MRPL32: variants seen among roughly 807,000 people sequenced by gnomAD.
The protein encoded by MRPL32 is mitochondrial ribosomal protein L32.
In MRPL32, 14 loss-of-function variants were observed where a neutral mutation model predicts 21.7. The observed-to-expected ratio is 0.64, with a 90% CI of 0.43 to 1.01. The LOEUF is 1.01. MRPL32 is among the 50% of genes least tolerant of loss of function. The pLI is 0.00. For synonymous variants in MRPL32, 83 were observed against 87.7 expected (o/e 0.95, Z 0.30); for missense variants, 211 against 235.9 (o/e 0.89, Z 0.69).
intron 2 of MRPL32, chr7:42,936,174 A>C (rs1289071977): frequency 6.6e-6 from 1 of 152,206 alleles, no homozygotes; most frequent in Admixed American, 6.5e-5. Context: ...GTAATTCATA[A>C]ATTTGCTCAA....
Position 42,935,007 on chromosome 7 carries a change from T to C in MRPL32, c.183T>C (p.Asp61=). Residue 61 remains aspartate, a synonymous_variant, in exon 2 of 3, where the codon GAT becomes GAC. Transcript: ENST00000223324. ...GPAMFTEPAN[D]TSGSKENSSL... ...CCATGTTTACAGAGCCAGCAAATGA[T>C]ACCAGTGGAAGTAAAGAGAATTCCA... The C allele has an allele frequency of 6.2e-7, 1 of 1,614,022 alleles. No individual in the cohort carries two copies. Among genetic ancestry groups the C allele is most frequent in the Non-Finnish European group, 8.5e-7 (1 of 1,179,968 alleles).
intron 1 of MRPL32, among the ~76,000 whole-genome samples, chr7:42,933,355 G>C (rs371474239): frequency 6.6e-6 from 1 of 152,116 alleles, no homozygotes; most frequent in African/African-American, 2.4e-5. Context: ...GATTTGTACA[G>C]AGTTGTCCTG....
chr7:42,932,539 G>A (rs762790100), intron 1 of MRPL32, 23 bp downstream of exon 1: 1 of 1,580,320 alleles, frequency 6.3e-7, no homozygotes, highest in Non-Finnish European at 8.6e-7. Context: ...GGGCTCCGTG[G>A]GAGAGGGGGC....
At chr7:42,937,210 ATGTAGCCTGAACAT>A in intron 2 of MRPL32, 98 bp from the exon 3 acceptor site, 1 of 1,595,532 alleles carries the variant, frequency 6.3e-7, no homozygotes, top group Non-Finnish European at 8.5e-7. Context: ...TGATGACCTC[ATGTAGCCTGAACAT>A]CCTAAGAAAG....
chr7:42,936,312 C>G (rs1450278330), intron 2 of MRPL32: 1 of 152,156 alleles, frequency 6.6e-6, no homozygotes, highest in Non-Finnish European at 1.5e-5. Flanking sequence ...TTTTCTGTTA[C>G]ATACGGTATA....
At chr7:42,933,765 C>G (rs1054099568) in intron 1 of MRPL32, among the ~76,000 whole-genome samples, 2 of 152,102 alleles carry the variant, frequency 1.3e-5, no homozygotes, top group Non-Finnish European at 2.9e-5. Flanking sequence ...CATGTACTTC[C>G]TGGGATAATC....
chr7:42,937,485 T>A lies in MRPL32; in HGVS notation c.476T>A (p.Leu159Gln). 1 of 1,614,002 alleles carries A rather than the reference T, an allele frequency of 6.2e-7. No individual in the cohort carries two copies. The highest frequency in any genetic ancestry group is 8.5e-7 in the Non-Finnish European group (1 of 1,179,974). Residue 159 changes from leucine (L) to glutamine (Q), a missense_variant, in exon 3 of 3, where the codon CTG becomes CAG. Physicochemically the swap from Leu to Gln is moderately radical, Grantham distance 113. Transcript: ENST00000223324. ...GCTCCCACCATAGAGACTGTGGTGC[T>A]GTACACGGGAGAGACACCGTCTGAA... Reference protein sequence around the residue: ...FKAPTIETVVLYTGETPSEQD... With the variant: ...FKAPTIETVVQYTGETPSEQD...
Position 42,937,422 on chromosome 7 carries a change from G to A in MRPL32, c.413G>A (p.Arg138Lys), listed in dbSNP as rs763210648. The A allele has an allele frequency of 6.2e-7, 1 of 1,614,166 alleles. No individual in the cohort carries two copies. Among genetic ancestry groups the A allele is most frequent in the Non-Finnish European group, 8.5e-7 (1 of 1,180,022 alleles). Residue 138 changes from arginine (R) to lysine (K), a missense_variant, in exon 3 of 3, where the codon AGA becomes AAA. This residue lies in a region of MRPL32 where 130 missense variants were observed against 180.1 expected (regional missense o/e 0.72). Transcript: ENST00000223324. ...EKVCKETAEI[R>K]RQIGKQEGGP... is the part of the protein sequence containing the mutation. ...GTGTGCAAGGAGACTGCAGAAATCAGACGACAGATAGGGAAGCAAGAAGGG... is the reference window on the plus strand; with the variant it reads ...GTGTGCAAGGAGACTGCAGAAATCAAACGACAGATAGGGAAGCAAGAAGGG...
At chr7:42,934,665 G>A (rs144103167) in intron 1 of MRPL32, among the ~76,000 whole-genome samples, 2 of 152,268 alleles carry the variant, frequency 1.3e-5, no homozygotes, top group East Asian at 1.9e-4. Context: ...TTCAAGTTAG[G>A]TGCCTATCAG....
At position 42,935,078 on chromosome 7, in the gene MRPL32, G is replaced by A. The variant is rs531271105; in HGVS notation, c.254G>A (p.Arg85His). Reference sequence around the variant, plus strand: ...TGGATGGCAGCTCCCAAAAATAGACGCACCATTGAAGTTAACCGGTGTAGG... The same window carrying A: ...TGGATGGCAGCTCCCAAAAATAGACACACCATTGAAGTTAACCGGTGTAGG... ...IFWMAAPKNRRTIEVNRCRRR... is the reference protein window; with the variant it reads ...IFWMAAPKNRHTIEVNRCRRR... Residue 85 changes from arginine to histidine, a missense_variant, in exon 2 of 3, where the codon CGC becomes CAC. Physicochemically the swap from Arg to His is conservative, Grantham distance 29 (BLOSUM62 0). Around this residue, in one of 2 missense-constraint regions of MRPL32, gnomAD observed 130 missense variants for 180.1 expected, o/e 0.72. Transcript: ENST00000223324. The A allele has an allele frequency of 1.8e-5, 29 of 1,613,918 alleles. No individual in the cohort carries two copies. The highest frequency in any genetic ancestry group is 1.6e-4 in the Middle Eastern group (1 of 6,084).
In MRPL32 at chr7:42,937,448, G is replaced by T. The variant is rs756043183; in HGVS notation, c.439G>T (p.Gly147Cys). ...IRRQIGKQEG[G>C]PFKAPTIETV... ...ACGACAGATAGGGAAGCAAGAAGGGGGCCCTTTTAAGGCTCCCACCATAGA... is the reference window on the plus strand; with the variant it reads ...ACGACAGATAGGGAAGCAAGAAGGGTGCCCTTTTAAGGCTCCCACCATAGA... Residue 147 changes from glycine to cysteine, a missense_variant, in exon 3 of 3, where the codon GGC (glycine) becomes TGC (cysteine). This residue lies in a region of MRPL32 where 130 missense variants were observed against 180.1 expected (regional missense o/e 0.72). Coordinates refer to ENST00000223324, the MANE Select transcript of MRPL32 (RefSeq NM_031903.3). 4 of 1,614,028 alleles carry T rather than the reference G, an allele frequency of 2.5e-6. No homozygotes were observed. Among genetic ancestry groups the T allele is most frequent in the Non-Finnish European group, 3.4e-6 (4 of 1,180,018 alleles).
chr7:42,935,245 T>A, intron 2 of MRPL32, 109 bp downstream of exon 2: 1 of 903,132 alleles, frequency 1.1e-6, no homozygotes, highest in Non-Finnish European at 1.7e-6. Flanking sequence ...TATATGTGTC[T>A]ACTTTCCTCT....
Position 42,932,410 on chromosome 7 carries a change from G to A in MRPL32, c.24G>A (p.Leu8=). Residue 8 remains leucine, a synonymous_variant, in exon 1 of 3, where the codon TTG becomes TTA. Transcript: ENST00000223324. ...AAATGGCGCTGGCCATGCTGGTCTT[G>A]GTGGTTTCGCCGTGGTCTGCGGCCC... The part of the protein sequence containing the change: MALAMLV[L]VVSPWSAARG... The A allele has an allele frequency of 6.2e-7, 1 of 1,611,778 alleles. No homozygotes were observed. Among genetic ancestry groups the A allele is most frequent in the Non-Finnish European group, 8.5e-7 (1 of 1,178,584 alleles).
intron 1 of MRPL32, among the ~76,000 whole-genome samples, chr7:42,933,656 A>G (rs923240030): frequency 2.0e-5 from 3 of 152,158 alleles, no homozygotes. Flanking sequence ...TGGCATTTAC[A>G]TTCTACTCAA....
chr7:42,932,390 G>A lies in MRPL32; in HGVS notation c.4G>A (p.Ala2Thr). 6.2e-7 allele frequency: 1 copy of A among 1,608,578 alleles called. No individual in the cohort carries two copies. The highest frequency in any genetic ancestry group is 8.5e-7 in the Non-Finnish European group (1 of 1,176,436). The change falls in exon 1 of 3, where the codon GCG becomes ACG. Residue 2 changes from alanine (A) to threonine (T), a missense_variant. This residue lies in a region of MRPL32 where 81 missense variants were observed against 55.8 expected (regional missense o/e 1.45). Coordinates refer to ENST00000223324, the MANE Select transcript of MRPL32 (RefSeq NM_031903.3). M[A>T]LAMLVLVVSP... ...GGGCGGTCTTCCAGCAGGGAAAATGGCGCTGGCCATGCTGGTCTTGGTGGT... is the reference window on the plus strand; with the variant it reads ...GGGCGGTCTTCCAGCAGGGAAAATGACGCTGGCCATGCTGGTCTTGGTGGT...
In MRPL32 at chr7:42,937,449, G is replaced by T; in HGVS notation, c.440G>T (p.Gly147Val). ...IRRQIGKQEG[G>V]PFKAPTIETV... ...CGACAGATAGGGAAGCAAGAAGGGG[G>T]CCCTTTTAAGGCTCCCACCATAGAG... The change falls in exon 3 of 3, where the codon GGC becomes GTC. Residue 147 changes from glycine to valine, a missense_variant. Gly to Val is a moderately radical substitution (Grantham distance 109). Coordinates refer to ENST00000223324, the MANE Select transcript of MRPL32 (RefSeq NM_031903.3). 6.2e-7 allele frequency: 1 copy of T among 1,614,048 alleles called. No individual in the cohort carries two copies. Among genetic ancestry groups the T allele is most frequent in the Non-Finnish European group, 8.5e-7 (1 of 1,180,012 alleles).
rs749795777 is a variant in MRPL32 at position 42,932,382 on chromosome 7, G to A, written c.-5G>A. ...CGGGACCGGGGCGGTCTTCCAGCAG[G>A]GAAAATGGCGCTGGCCATGCTGGTC... On this transcript the variant is annotated 5_prime_UTR_variant, in exon 1 of 3. Transcript: ENST00000223324. 6.2e-7 allele frequency: 1 copy of A among 1,606,940 alleles called. No individual in the cohort carries two copies. The highest frequency in any genetic ancestry group is 1.1e-5 in the South Asian group (1 of 90,930).
chr7:42,934,417 T>C (rs1211929824), intron 1 of MRPL32, among the ~76,000 whole-genome samples: 3 of 152,264 alleles, frequency 2.0e-5, no homozygotes, highest in Middle Eastern at 3.4e-3. Flanking sequence ...CTCTTTTCTT[T>C]AGAGAGCAGA....
chr7:42,937,675 T>C lies in MRPL32; in HGVS notation c.*99T>C. On this transcript the variant is annotated 3_prime_UTR_variant, in exon 3 of 3. Coordinates refer to ENST00000223324, the MANE Select transcript of MRPL32 (RefSeq NM_031903.3). ...TGTGCTTGTTTTTAAATCATCAGTA[T>C]AGTTTAACACATTCTTTCTAAGCAG... 2 of 1,243,066 alleles carry C rather than the reference T, an allele frequency of 1.6e-6. No individual in the cohort carries two copies. Among genetic ancestry groups the C allele is most frequent in the Middle Eastern group, 2.9e-4 (1 of 3,486 alleles). The allele number at this position is 1,243,066 out of a possible 1,614,324, so 77.0% of individuals were successfully genotyped here. A position where few individuals can be genotyped will look rare whatever the true frequency, so the allele number is the denominator to read the frequency against.
Sources: gnomAD v4.1 joint callset for allele counts (sites outside exome capture counted in the v4.1 genomes callset) on GRCh38, gnomAD v4.1.1 for gene constraint, gnomAD v4.1.1 regional missense constraint, MANE v1.5 for transcripts, NCBI Gene and HGNC (gene_info 2026-07-23, HGNC 2026-07-21) for gene names.